Variants in CUX1 observed in about 807,000 individuals in gnomAD.
The protein encoded by CUX1 is protein CASP.
In CUX1, 31 loss-of-function variants were observed where a neutral mutation model predicts 158.8. The observed-to-expected ratio is 0.20, with a 90% CI of 0.15 to 0.26. The LOEUF (loss-of-function observed/expected upper bound fraction) is 0.26, where lower values mean the gene tolerates loss of function less well. Ranked by LOEUF, CUX1 falls within the 10% of genes least tolerant of loss-of-function variation. CUX1 has a pLI of 1.00. For synonymous variants in CUX1, 879 were observed against 862.1 expected (o/e 1.02, Z -0.34); for missense variants, 1,589 against 2,014.6 (o/e 0.79, Z 4.04).
downstream of CUX1, among the ~76,000 whole-genome samples, chr7:102,262,406 G>GGATGGATGGATGGATGGAT (rs71123025): frequency 0.12 from 17,526 of 151,346 alleles, 1,176 homozygotes; most frequent in Middle Eastern, 0.18. Flanking sequence ...ATGGATGGAT[G>GGATGGATGGATGGATGGAT]GATGGATGGA....
At chr7:102,225,814 C>A (rs970941097) in intron 20 of CUX1, among the ~76,000 whole-genome samples, 3 of 152,264 alleles carry the variant, frequency 2.0e-5, no homozygotes, top group Admixed American at 1.3e-4. Flanking sequence ...CCTAGCAAGA[C>A]CCCATCTCCA....
At chr7:102,227,863 A>C (rs1372578877) in intron 21 of CUX1, among the ~76,000 whole-genome samples, 194 bp downstream of exon 21, 1 of 148,940 alleles carries the variant, frequency 6.7e-6, no homozygotes, top group Non-Finnish European at 1.5e-5. Flanking sequence ...CCTCCTCCCC[A>C]CCCTGCACCC....
chr7:102,053,450 A>G (rs1051016427), intron 3 of CUX1, among the ~76,000 whole-genome samples: 3 of 152,038 alleles, frequency 2.0e-5, no homozygotes, highest in Non-Finnish European at 2.9e-5. Flanking sequence ...AAATAATCCG[A>G]TTATACTTCT....
Position 101,916,385 on chromosome 7 carries a change from A to G in CUX1, c.141+160A>G. 1.8e-6 allele frequency: 1 copy of G among 556,432 alleles called. No individual in the cohort carries two copies. The highest frequency in any genetic ancestry group is 3.2e-5 in the East Asian group (1 of 31,386). The allele number at this position is 556,432 out of a possible 1,614,324, so 34.5% of individuals were successfully genotyped here. ...TGTCTTCAGCCCCATTTCCAGCAGA[A>G]CGCATGCCATCCTGCAGGCTGTGGG... On this transcript the variant is annotated intron_variant, in intron 2 of 23. Transcript: ENST00000292535. This position sits in a 1 kb window ranked among gnomAD's most constrained non-coding sequence, Gnocchi z 4.4.
intron 8 of CUX1, among the ~76,000 whole-genome samples, chr7:102,148,847 A>C (rs917503140): frequency 2.0e-5 from 3 of 146,906 alleles, no homozygotes; most frequent in South Asian, 2.2e-4. Context: ...CCCCCCTCCC[A>C]CCCTTTCCCC....
Position 102,080,837 on chromosome 7 carries a change from C to T in CUX1, c.268+10420C>T, listed in dbSNP as rs558731450. ...TCAGAGTGATCCGAAGAACTCAAAG[C>T]AAAATGTTTGCATTAAAGTCCCAGA... On this transcript the variant is annotated intron_variant, in intron 4 of 23. Transcript: ENST00000292535. 1.2e-4 allele frequency among the ~76,000 whole-genome samples: 18 copies of T among 152,282 alleles called. 1 individual carries two copies. In the East Asian group the frequency reaches 3.1e-3, roughly 26 times the overall value.
chr7:102,141,789 A>ATTTTTTTTTTTT (rs71123009), intron 8 of CUX1, among the ~76,000 whole-genome samples: 327 of 102,562 alleles, frequency 3.2e-3, no homozygotes, highest in Middle Eastern at 7.2e-3. Flanking sequence ...CTCTCAGCTA[A>ATTTTTTTTTTTT]TTTTTTTTTT....
intron 3 of CUX1, among the ~76,000 whole-genome samples, chr7:102,030,045 C>G (rs1292914772): frequency 6.7e-6 from 1 of 150,174 alleles, no homozygotes; most frequent in Non-Finnish European, 1.5e-5. Context: ...GATTTTCACT[C>G]TTGTTGCCCA....
At chr7:102,024,785 C>T (rs564686904) in intron 2 of CUX1, among the ~76,000 whole-genome samples, 1 of 152,222 alleles carries the variant, frequency 6.6e-6, no homozygotes, top group African/African-American at 2.4e-5. Flanking sequence ...TCCCTTGTTA[C>T]CCTTTGTGTT....
At chr7:101,873,953 A>G (rs957407588) in intron 1 of CUX1, among the ~76,000 whole-genome samples, 1 of 152,208 alleles carries the variant, frequency 6.6e-6, no homozygotes, top group African/African-American at 2.4e-5. Context: ...TGAATTATCT[A>G]CAGGAAAATG....
intron 8 of CUX1, among the ~76,000 whole-genome samples, chr7:102,130,304 T>C (rs1009587016): frequency 5.3e-5 from 8 of 152,206 alleles, no homozygotes; most frequent in Admixed American, 4.6e-4. Context: ...GACTGGGGCA[T>C]TCAACATCAG....
chr7:102,044,664 T>C (rs1822529376), intron 3 of CUX1, among the ~76,000 whole-genome samples: 1 of 152,172 alleles, frequency 6.6e-6, no homozygotes, highest in Non-Finnish European at 1.5e-5. Context: ...CTTAGCTGAA[T>C]TTCCCCCTGC....
At position 101,834,165 on chromosome 7, in the gene CUX1, CTTTTTTT is replaced by C. The variant is rs575992276; in HGVS notation, c.30+16516_30+16522del. ...TATTTATTTGAAAAGCTGATTGTTT[CTTTTTTT>C]TTTTTTTTTTTTTTTTTTTGAGATG... is the stretch of plus-strand genomic sequence containing the variant. On this transcript the variant is annotated intron_variant, in intron 1 of 23. Coordinates refer to ENST00000292535, the MANE Select transcript of CUX1 (RefSeq NM_181552.4). Among the ~76,000 whole-genome samples, 89 of 71,078 alleles carry C rather than the reference CTTTTTTT, an allele frequency of 1.3e-3. 2 individuals are homozygous for C. The highest frequency in any genetic ancestry group is 3.1e-3 in the East Asian group (9 of 2,906). The allele number at this position is 71,078 out of a possible 152,430, so 46.6% of individuals were successfully genotyped here.
chr7:102,129,289 G>T (rs782660078), intron 8 of CUX1, among the ~76,000 whole-genome samples: 24 of 152,246 alleles, frequency 1.6e-4, no homozygotes, highest in Admixed American at 3.3e-4. Flanking sequence ...TTTAAAATCT[G>T]CATCAGTCAC....
At chr7:102,034,479 G>A (rs1389227812) in intron 3 of CUX1, among the ~76,000 whole-genome samples, 2 of 152,070 alleles carry the variant, frequency 1.3e-5, no homozygotes, top group African/African-American at 4.8e-5. Context: ...AACAGGCCGG[G>A]CACTGTGGCT....
chr7:102,012,342 C>T (rs1330969290), intron 2 of CUX1, among the ~76,000 whole-genome samples: 1 of 152,038 alleles, frequency 6.6e-6, no homozygotes, highest in Non-Finnish European at 1.5e-5. Context: ...TGCGTGCCAC[C>T]ATGCCTGGCT....
Position 102,193,854 on chromosome 7 carries a change from C to T in CUX1, c.1089C>T (p.Ser363=). The stretch of plus-strand genomic sequence containing the variant: ...TGTGCTCTTGCAGCATTCTGAAGTC[C>T]ATGGAGTTTGCACCGTCCGAGGGCG... ...EVKKELNILK[S]MEFAPSEGAG... is the part of the protein sequence containing the mutation. Residue 363 remains serine, a synonymous_variant, in exon 13 of 24, where the codon TCC becomes TCT. Transcript: ENST00000292535. 1 of 1,613,958 alleles carries T rather than the reference C, an allele frequency of 6.2e-7. No homozygotes were observed. The highest frequency in any genetic ancestry group is 1.1e-5 in the South Asian group (1 of 91,070).
chr7:102,170,301 GT>G (rs1384020748), intron 9 of CUX1, 144 bp from the exon 10 acceptor site: 7 of 620,988 alleles, frequency 1.1e-5, no homozygotes, highest in Non-Finnish European at 1.7e-5. Flanking sequence ...CACATTCTGT[GT>G]TTTTTTTCCT....
intron 1 of CUX1, among the ~76,000 whole-genome samples, chr7:101,859,065 C>T (rs759079361): frequency 7.9e-5 from 12 of 152,114 alleles, no homozygotes; most frequent in Non-Finnish European, 1.8e-4. Flanking sequence ...GAAAATGGAC[C>T]GGCAACCAGA....
Sources: allele counts gnomAD v4.1 joint callset (sites outside exome capture counted in the v4.1 genomes callset), GRCh38; gene constraint gnomAD v4.1.1; non-coding constraint Gnocchi (gnomAD v3.1); transcripts MANE v1.5; gene names NCBI Gene and HGNC (gene_info 2026-07-23, HGNC 2026-07-21).